Variants in ARAF observed in about 807,000 individuals in gnomAD.
ARAF encodes the protein A-Raf proto-oncogene, serine/threonine kinase.
Under a neutral mutation model 48.0 loss-of-function variants are expected in ARAF, and 18 were observed. That is an observed-to-expected ratio of 0.37 (90% CI 0.26 to 0.56). The LOEUF (loss-of-function observed/expected upper bound fraction) is 0.56, where lower values mean the gene tolerates loss of function less well. Among genes scored for constraint, ARAF ranks in the 20% least tolerant of loss-of-function variants. The pLI is 0.77. For missense variants in ARAF, 389 were observed against 543.1 expected (o/e 0.72, Z 2.82); for synonymous variants, 207 against 220.1 (o/e 0.94, Z 0.53).
At chrX:47,563,146 G>T in intron 2 of ARAF, 80 bp from the exon 3 acceptor site, 1 of 1,152,095 alleles carries the variant, frequency 8.7e-7, no homozygotes, top group Non-Finnish European at 1.2e-6. Context: ...ACGGTTGGGG[G>T]AGGCCTTTGC....
chrX:47,564,198 T>C (rs955193150), intron 3 of ARAF, among the ~76,000 whole-genome samples: 1 of 111,969 alleles, frequency 8.9e-6, no homozygotes, highest in Non-Finnish European at 1.9e-5. Context: ...TGTTACTTCA[T>C]TGGTTTATTG....
rs750855708 is a variant in ARAF at position 47,563,740 on chromosome X, T to C, written c.200+411T>C. Among the ~76,000 whole-genome samples the C allele has an allele frequency of 6.2e-4, 70 of 112,426 alleles. No individual in the cohort carries two copies. The South Asian group carries it at 0.01, about 16-fold the overall frequency. On this transcript the variant is annotated intron_variant, in intron 3 of 15. Coordinates refer to ENST00000377045, the MANE Select transcript of ARAF (RefSeq NM_001654.5). ...GATCTCAGCAACCTCAGCATATGAT[T>C]TTCTTTTAAGTCAAGAACTTTTACC... is the stretch of plus-strand genomic sequence containing the variant.
In ARAF at chrX:47,571,872, CTCTT is replaced by C; in HGVS notation, c.*420_*423del. 2 of 189,107 alleles carry C rather than the reference CTCTT, an allele frequency of 1.1e-5. No homozygotes were observed. The highest frequency in any genetic ancestry group is 2.0e-5 in the Non-Finnish European group (2 of 101,742). The allele number at this position is 189,107 out of a possible 1,213,427, so 15.6% of individuals were successfully genotyped here. On this transcript the variant is annotated 3_prime_UTR_variant, in exon 16 of 16. Transcript: ENST00000377045. The stretch of plus-strand genomic sequence containing the variant: ...TCTCCCCCGCCATTCAAGGACTCCT[CTCTT>C]TCTTCACCAAGAAGCACAGAATTCT...
intron 10 of ARAF, 77 bp from the exon 11 acceptor site, chrX:47,568,641 G>T (rs1255900707): frequency 1.9e-5 from 20 of 1,058,319 alleles, no homozygotes; most frequent in Non-Finnish European, 2.5e-5. Context: ...GTAAAGAACA[G>T]TGCCACTCCT....
At chrX:47,569,458 AG>A (rs2057746208) in intron 12 of ARAF, 80 bp from the exon 13 acceptor site, 1 of 790,355 alleles carries the variant, frequency 1.3e-6, no homozygotes, top group Admixed American at 2.5e-5. Flanking sequence ...TGAGTGGTAT[AG>A]GGGCACCAAT....
At chrX:47,563,692 A>G (rs1032721262) in intron 3 of ARAF, among the ~76,000 whole-genome samples, 17 of 112,444 alleles carry the variant, frequency 1.5e-4, no homozygotes, top group African/African-American at 5.5e-4. Flanking sequence ...AATTCCAAAG[A>G]TGGAAGATTC....
At position 47,566,682 on chromosome X, in the gene ARAF, GC is replaced by G; in HGVS notation, c.605del (p.Pro202GlnfsTer90). On this transcript the variant is annotated frameshift_variant, in exon 7 of 16. Transcript: ENST00000377045. LOFTEE classifies it high-confidence loss of function. The part of the protein sequence containing the change: ...HCDPEHFPFP[A>X]PANAPLQRIR... ...TGACCCGGAGCACTTCCCCTTCCCT[GC>G]CCCAGCCAATGCCCCCCTACAGCGC... 1 of 1,192,223 alleles carries G rather than the reference GC, an allele frequency of 8.4e-7. No individual in the cohort carries two copies. The highest frequency in any genetic ancestry group is 1.1e-6 in the Non-Finnish European group (1 of 884,961).
At position 47,561,209 on chromosome X, in the gene ARAF, G is replaced by A. The variant is rs1234294497; in HGVS notation, c.-102G>A. On this transcript the variant is annotated 5_prime_UTR_variant, in exon 1 of 16. Transcript: ENST00000377045. ...CGGACTCTGTGAGGAAACAAGAAGA[G>A]AGGCCCAAGATGGAGACGGCGGCGG... is the stretch of plus-strand genomic sequence containing the variant. 8.9e-6 allele frequency: 1 copy of A among 112,502 alleles called. No homozygotes were observed. Among genetic ancestry groups the A allele is most frequent in the Non-Finnish European group, 1.9e-5 (1 of 53,305 alleles). The allele number at this position is 112,502 out of a possible 1,213,427, so 9.3% of individuals were successfully genotyped here.
rs1034632170 is a variant in ARAF at position 47,563,471 on chromosome X, C to T, written c.200+142C>T. ...TTAGTCCCCCCTTATCTGCAGGGTA[C>T]ATGTTCCAAGACCCCCAGTGGATGC... On this transcript the variant is annotated intron_variant, in intron 3 of 15. Coordinates refer to ENST00000377045, the MANE Select transcript of ARAF (RefSeq NM_001654.5). 8 of 500,838 alleles carry T rather than the reference C, an allele frequency of 1.6e-5. No homozygotes were observed. The African/African-American group carries it at 1.7e-4, about 10-fold the overall frequency. The allele number at this position is 500,838 out of a possible 1,213,427, so 41.3% of individuals were successfully genotyped here. A position where few individuals can be genotyped will look rare whatever the true frequency, so the allele number is the denominator to read the frequency against.
At position 47,571,356 on chromosome X, in the gene ARAF, C is replaced by G; in HGVS notation, c.1720C>G (p.Leu574Val). 1 of 1,211,076 alleles carries G rather than the reference C, an allele frequency of 8.3e-7. No homozygotes were observed. Among genetic ancestry groups the G allele is most frequent in the Non-Finnish European group, 1.1e-6 (1 of 895,205 alleles). Residue 574 changes from leucine (L) to valine (V), a missense_variant, in exon 16 of 16, where the codon CTC (leucine) becomes GTC (valine). Transcript: ENST00000377045. ...CACAATTGAGCTGCTGCAACGGTCACTCCCCAAGATTGAGCGGAGTGCCTC... is the reference window on the plus strand; with the variant it reads ...CACAATTGAGCTGCTGCAACGGTCAGTCCCCAAGATTGAGCGGAGTGCCTC... ...LATIELLQRS[L>V]PKIERSASEP...
Position 47,569,886 on chromosome X carries a change from G to A in ARAF, c.1420-7G>A, listed in dbSNP as rs2147908836. The A allele has an allele frequency of 8.3e-7, 1 of 1,206,225 alleles. No homozygotes were observed. Among genetic ancestry groups the A allele is most frequent in the Non-Finnish European group, 1.1e-6 (1 of 893,072 alleles). ...GTGGTCCCCCTGCCTGGTCTGGCCT[G>A]TTGTAGGCAGCTGAGGTGATCCGTA... On this transcript the variant is annotated splice_polypyrimidine_tract_variant and splice_region_variant and intron_variant, in intron 13 of 15. Transcript: ENST00000377045.
chrX:47,570,223 C>A, intron 14 of ARAF, 199 bp downstream of exon 14: 1 of 447,731 alleles, frequency 2.2e-6, no homozygotes, highest in Non-Finnish European at 3.7e-6. Flanking sequence ...CCCAACTTCC[C>A]TCTTCTCACA....
At chrX:47,569,166 G>A in intron 12 of ARAF, 133 bp downstream of exon 12, 1 of 831,832 alleles carries the variant, frequency 1.2e-6, no homozygotes. Flanking sequence ...CAGAGCTGTG[G>A]CCAGCCAGGG....
Position 47,570,953 on chromosome X carries a change from C to T in ARAF, c.1627C>T (p.Arg543Trp), listed in dbSNP as rs1412754683. 5.8e-6 allele frequency: 7 copies of T among 1,211,652 alleles called. No homozygotes were observed. The highest frequency in any genetic ancestry group is 3.0e-5 in the East Asian group (1 of 33,836). ...KISSNCPKAMRRLLSDCLKFQ... is the reference protein window; with the variant it reads ...KISSNCPKAMWRLLSDCLKFQ... ...CTCCAGCAACTGCCCCAAGGCCATG[C>T]GGCGCCTGCTGTCTGACTGCCTCAA... is the stretch of plus-strand genomic sequence containing the variant. Residue 543 changes from arginine (R) to tryptophan (W), a missense_variant, in exon 15 of 16, where the codon CGG (arginine) becomes TGG (tryptophan). Transcript: ENST00000377045.
Position 47,567,236 on chromosome X carries a change from C to G in ARAF, c.880C>G (p.Leu294Val), listed in dbSNP as rs1272463628. Residue 294 changes from leucine to valine, a missense_variant, in exon 10 of 16, where the codon CTG becomes GTG. Physicochemically the swap from Leu to Val is conservative, Grantham distance 32. Transcript: ENST00000377045. ...LADDKKKVKN[L>V]GYRDSGYYWE... ...CCACCCATCTGGCCCACAGAAGAAC[C>G]TGGGGTACCGGGACTCAGGCTATTA... is the stretch of plus-strand genomic sequence containing the variant. 3 of 1,211,690 alleles carry G rather than the reference C, an allele frequency of 2.5e-6. No homozygotes were observed. In the South Asian group the frequency reaches 5.3e-5, roughly 21 times the overall value.
rs201871676 is a variant in ARAF at position 47,563,013 on chromosome X, C to T, written c.46C>T (p.Arg16Trp). The T allele has an allele frequency of 2.1e-5, 25 of 1,196,531 alleles. No homozygotes were observed. The highest frequency in any genetic ancestry group is 1.8e-4 in the East Asian group (6 of 32,967). The change falls in exon 2 of 16, where the codon CGG becomes TGG. Residue 16 changes from arginine to tryptophan, a missense_variant. Arg to Trp is a moderately radical substitution (Grantham distance 101). This residue lies in a region of ARAF where 47 missense variants were observed against 66.9 expected (regional missense o/e 0.70). Transcript: ENST00000377045. ...CCCTGCCAATGGGGCCGAGCCATCC[C>T]GGGCAGTGGGCACCGTCAAAGTATA... Reference protein sequence around the residue: ...GPPANGAEPSRAVGTVKVYLP... With the variant: ...GPPANGAEPSWAVGTVKVYLP...
intron 1 of ARAF, among the ~76,000 whole-genome samples, chrX:47,561,977 C>T (rs1027159471): frequency 2.0e-5 from 2 of 99,010 alleles, no homozygotes; most frequent in Admixed American, 1.1e-4. Flanking sequence ...TGACCCCCCC[C>T]CCCCATGAAT....
At chrX:47,571,112 T>A (rs762009047) in intron 15 of ARAF, 100 bp downstream of exon 15, 37 of 198,246 alleles carry the variant, frequency 1.9e-4, no homozygotes, top group Non-Finnish European at 2.4e-4. Context: ...AGAGGTATAG[T>A]GTGTGTGTGT....
At chrX:47,562,844 C>T in intron 1 of ARAF, 65 bp from the exon 2 acceptor site, 2 of 538,932 alleles carry the variant, frequency 3.7e-6, no homozygotes, top group South Asian at 7.1e-5. Context: ...TTTATTTTGT[C>T]CCCTGCCACT....
Sources: gnomAD v4.1 joint callset for allele counts (sites outside exome capture counted in the v4.1 genomes callset) on GRCh38, gnomAD v4.1.1 for gene constraint, gnomAD v4.1.1 regional missense constraint, MANE v1.5 for transcripts, NCBI Gene and HGNC (gene_info 2026-07-23, HGNC 2026-07-21) for gene names.